Variants in PRPH2 observed in about 807,000 individuals in gnomAD.
The protein encoded by PRPH2 is peripherin-2.
In PRPH2, 17 loss-of-function variants were observed where a neutral mutation model predicts 31.3. The ratio of observed to expected loss-of-function variants is 0.54; its 90% confidence interval spans 0.37 to 0.81. The LOEUF (loss-of-function observed/expected upper bound fraction) is 0.81. Ranked by LOEUF, PRPH2 falls within the 40% of genes least tolerant of loss-of-function variation. PRPH2 has a pLI of 0.00. For synonymous variants in PRPH2, 165 were observed against 184.4 expected, an observed-to-expected ratio of 0.89 and a Z score of 0.85; for missense variants, 430 against 439.7, an observed-to-expected ratio of 0.98 and a Z score of 0.20.
intron 2 of PRPH2, among the ~76,000 whole-genome samples, chr6:42,703,466 C>G (rs934389444): frequency 3.9e-5 from 6 of 151,968 alleles, no homozygotes; most frequent in Non-Finnish European, 7.3e-5. Flanking sequence ...TCCCAATAGT[C>G]CCCAAAGCTA....
chr6:42,705,600 ATATATAT>A (rs1466885098), intron 1 of PRPH2, among the ~76,000 whole-genome samples: 61 of 3,648 alleles, frequency 0.017, no homozygotes, highest in African/African-American at 0.058. Context: ...AAAAAAAAAA[ATATATAT>A]ATATATATAT....
chr6:42,705,599 A>AATATATATATATATAT (rs1194169404), intron 1 of PRPH2, among the ~76,000 whole-genome samples: 246 of 20,570 alleles, frequency 0.012, no homozygotes, highest in Middle Eastern at 0.033. Flanking sequence ...AAAAAAAAAA[A>AATATATATATATATAT]ATATATATAT....
rs751480327 is a variant in PRPH2, at chr6:42,721,858, C to T, written c.477G>A (p.Leu159=). Reference sequence around the variant, plus strand: ...TGCCGCAGCATTTGAACTCGATCTGCAGCATGTCGATGGTCTTCTTCATGA... The same window carrying T: ...TGCCGCAGCATTTGAACTCGATCTGTAGCATGTCGATGGTCTTCTTCATGA... ...RCFMKKTIDM[L]QIEFKCCGNN... Residue 159 remains leucine (L), a synonymous_variant, in exon 1 of 3, where the codon CTG becomes CTA. Transcript: ENST00000230381. 1 of 1,614,206 alleles carries T rather than the reference C, an allele frequency of 6.2e-7. No individual in the cohort carries two copies. Among genetic ancestry groups the T allele is most frequent in the Admixed American group, 1.7e-5 (1 of 60,022 alleles).
intron 1 of PRPH2, among the ~76,000 whole-genome samples, chr6:42,709,463 G>A (rs1329773112): frequency 6.6e-6 from 1 of 151,382 alleles, no homozygotes; most frequent in Non-Finnish European, 1.5e-5. Context: ...ATAAATATTT[G>A]CTGTGCACCT....
At chr6:42,705,721 C>T (rs558016218) in intron 1 of PRPH2, among the ~76,000 whole-genome samples, 10 of 148,172 alleles carry the variant, frequency 6.7e-5, no homozygotes, top group Admixed American at 2.7e-4. Flanking sequence ...CTTTGGGAGA[C>T]GAAGATGGGC....
intron 1 of PRPH2, among the ~76,000 whole-genome samples, chr6:42,705,593 AAAAAAAATATATATATATATATAT>A (rs2152005685): frequency 2.9e-4 from 1 of 3,454 alleles, no homozygotes; most frequent in Admixed American, 3.8e-3. Flanking sequence ...AAAAAAAAAA[AAAAAAAATATATATATATATATAT>A]ATATATATAT....
Position 42,722,293 on chromosome 6 carries a change from G to T in PRPH2, c.42C>A (p.Val14=). 6.2e-7 allele frequency: 1 copy of T among 1,614,094 alleles called. No individual in the cohort carries two copies. The highest frequency in any genetic ancestry group is 1.1e-5 in the South Asian group (1 of 91,074). The part of the protein sequence containing the change: ...LKVKFDQKKR[V]KLAQGLWLMN... Reference sequence around the variant, plus strand: ...TGAGCCAGAGCCCTTGGGCCAACTTGACCCGCTTCTTCTGGTCAAACTTGA... The same window carrying T: ...TGAGCCAGAGCCCTTGGGCCAACTTTACCCGCTTCTTCTGGTCAAACTTGA... Residue 14 remains valine (V), a synonymous_variant, in exon 1 of 3, where the codon GTC becomes GTA. Coordinates refer to ENST00000230381, the MANE Select transcript of PRPH2 (RefSeq NM_000322.5). This position sits in a 1 kb window ranked among gnomAD's most constrained non-coding sequence, Gnocchi z 4.4.
At chr6:42,708,166 C>T (rs192346608) in intron 1 of PRPH2, among the ~76,000 whole-genome samples, 3 of 152,310 alleles carry the variant, frequency 2.0e-5, no homozygotes, top group East Asian at 3.9e-4. Context: ...CCCACCACGC[C>T]ATATCATATC....
At chr6:42,713,224 C>CA (rs113027921) in intron 1 of PRPH2, among the ~76,000 whole-genome samples, 35,632 of 139,226 alleles carry the variant, frequency 0.26, 4,429 homozygotes, top group African/African-American at 0.33. Context: ...AACTCCATCT[C>CA]AAAAAAAAAA....
chr6:42,711,011 A>T (rs1177018922), intron 1 of PRPH2, among the ~76,000 whole-genome samples: 1 of 152,218 alleles, frequency 6.6e-6, no homozygotes, highest in East Asian at 1.9e-4. Context: ...TTTGGTACAC[A>T]CTATGTGCTT....
intron 1 of PRPH2, among the ~76,000 whole-genome samples, chr6:42,719,271 G>A (rs1049531898): frequency 6.6e-6 from 1 of 150,566 alleles, no homozygotes; most frequent in Non-Finnish European, 1.5e-5. Context: ...CTGCTTCTCT[G>A]GTTCAAGCAA....
At chr6:42,713,325 T>A (rs1173135175) in intron 1 of PRPH2, among the ~76,000 whole-genome samples, 1 of 152,096 alleles carries the variant, frequency 6.6e-6, no homozygotes, top group Non-Finnish European at 1.5e-5. Context: ...ACTTGGCTCC[T>A]CCCTCTGAGA....
intron 1 of PRPH2, among the ~76,000 whole-genome samples, chr6:42,705,618 A>ATATATATATATATATATC: frequency 8.0e-6 from 1 of 125,318 alleles, no homozygotes; most frequent in East Asian, 2.4e-4. Context: ...ATATATATAT[A>ATATATATATATATATATC]TATATATATA....
rs775665482 is a variant in PRPH2 at position 42,697,973 on chromosome 6, C to A, written c.*322G>T. On this transcript the variant is annotated 3_prime_UTR_variant, in exon 3 of 3. Transcript: ENST00000230381. ...CAGTGGCCATAGGGTGGGACTAAAT[C>A]CGTGTGAGAAAGATGGGTCCTGGGC... 1.3e-5 allele frequency: 5 copies of A among 370,970 alleles called. No individual in the cohort carries two copies. The highest frequency in any genetic ancestry group is 2.0e-5 in the Non-Finnish European group (4 of 199,470). 23.0% of individuals were successfully genotyped at this position (370,970 alleles called of 1,614,324 possible). A position where few individuals can be genotyped will look rare whatever the true frequency, so the allele number is the denominator to read the frequency against.
At chr6:42,706,299 G>T (rs1800163454) in intron 1 of PRPH2, among the ~76,000 whole-genome samples, 2 of 152,040 alleles carry the variant, frequency 1.3e-5, no homozygotes, top group Non-Finnish European at 2.9e-5. Flanking sequence ...CAGATACTCG[G>T]GAGGCTGAGG....
intron 1 of PRPH2, among the ~76,000 whole-genome samples, chr6:42,713,693 G>A (rs1260873197): frequency 2.6e-5 from 4 of 151,892 alleles, no homozygotes; most frequent in Non-Finnish European, 4.4e-5. Flanking sequence ...GGCCGAGGCA[G>A]GAAGATCACC....
Position 42,698,452 on chromosome 6 carries a change from T to A in PRPH2, c.884A>T (p.Asn295Ile). 6.2e-7 allele frequency: 1 copy of A among 1,614,112 alleles called. No homozygotes were observed. The highest frequency in any genetic ancestry group is 1.1e-5 in the South Asian group (1 of 91,080). ...GCTCTCGCTCTCAGATTCCTCGGGGTTGGACACACCATCCAGCGACGTCTG... is the reference window on the plus strand; with the variant it reads ...GCTCTCGCTCTCAGATTCCTCGGGGATGGACACACCATCCAGCGACGTCTG... The part of the protein sequence containing the change: ...YLQTSLDGVS[N>I]PEESESESQG... The change falls in exon 3 of 3, where the codon AAC becomes ATC. Residue 295 changes from asparagine (N) to isoleucine (I), a missense_variant. Asn to Ile is a moderately radical substitution (Grantham distance 149). Transcript: ENST00000230381.
At chr6:42,713,842 C>T (rs1761723357) in intron 1 of PRPH2, among the ~76,000 whole-genome samples, 1 of 147,272 alleles carries the variant, frequency 6.8e-6, no homozygotes, top group Non-Finnish European at 1.5e-5. Flanking sequence ...ATCGCTTGAA[C>T]CCGGGAGGCG....
At position 42,698,070 on chromosome 6, in the gene PRPH2, C is replaced by CTCACAT. The variant is rs1235320499; in HGVS notation, c.*219_*224dup. ...GGCAGCGGGCCTGAAGGGAGCTTCA[C>CTCACAT]TCACATTCACATTAGCTTCATTCAC... On this transcript the variant is annotated 3_prime_UTR_variant, in exon 3 of 3. Transcript: ENST00000230381. The CTCACAT allele has an allele frequency of 1.6e-6, 1 of 609,538 alleles. No homozygotes were observed. The highest frequency in any genetic ancestry group is 2.8e-6 in the Non-Finnish European group (1 of 354,388). The allele number at this position is 609,538 out of a possible 1,614,324, so 37.8% of individuals were successfully genotyped here.
Sources: gnomAD v4.1 joint callset for allele counts (sites outside exome capture counted in the v4.1 genomes callset) on GRCh38, gnomAD v4.1.1 for gene constraint, Gnocchi (gnomAD v3.1) non-coding constraint, MANE v1.5 for transcripts, NCBI Gene and HGNC (gene_info 2026-07-23, HGNC 2026-07-21) for gene names.